CNOT3: variants seen among roughly 807,000 people sequenced by gnomAD.
CNOT3 encodes the protein CCR4-associated factor 3.
Under a neutral mutation model 89.4 loss-of-function variants are expected in CNOT3, and 2 were observed. The observed-to-expected ratio is 0.02, with a 90% CI of 0.01 to 0.07. The LOEUF (loss-of-function observed/expected upper bound fraction) is 0.07. Among genes scored for constraint, CNOT3 ranks in the 10% least tolerant of loss-of-function variants. CNOT3 has a pLI of 1.00. For missense variants in CNOT3, 664 were observed against 1,010.2 expected, an observed-to-expected ratio of 0.66 and a Z score of 4.65; for synonymous variants, 486 against 402.0, an observed-to-expected ratio of 1.21 and a Z score of -2.50.
At chr19:54,138,364 T>C (rs1381370329) in intron 1 of CNOT3, among the ~76,000 whole-genome samples, 2 of 152,034 alleles carry the variant, frequency 1.3e-5, no homozygotes, top group Non-Finnish European at 2.9e-5. Context: ...GCGTCGGTAT[T>C]GGCTCCTGGC....
At chr19:54,154,523 T>C (rs1264465290) in intron 17 of CNOT3, 1 of 163,268 alleles carries the variant, frequency 6.1e-6, no homozygotes, top group African/African-American at 2.4e-5. Context: ...ATAGTCAGTG[T>C]CATGGATTTT....
chr19:54,153,030 C>T (rs1464522814), intron 16 of CNOT3, 31 bp downstream of exon 16: 6 of 1,581,184 alleles, frequency 3.8e-6, no homozygotes, highest in East Asian at 2.2e-5. Flanking sequence ...CAGCCTCGGG[C>T]CCCCCGGCTT....
chr19:54,140,135 C>CT (rs1411988211), intron 1 of CNOT3, among the ~76,000 whole-genome samples: 1 of 152,256 alleles, frequency 6.6e-6, no homozygotes, highest in Admixed American at 6.5e-5. Context: ...CTCCTCGAGT[C>CT]TTTGTGTGGT....
intron 1 of CNOT3, among the ~76,000 whole-genome samples, chr19:54,139,115 C>G (rs587622034): frequency 7.4e-4 from 113 of 152,326 alleles, no homozygotes; most frequent in African/African-American, 2.6e-3. Flanking sequence ...GCACCAGCCC[C>G]TCTTTCTGAG....
chr19:54,152,567 G>A lies in CNOT3; in HGVS notation c.1845G>A (p.Gln615=). ...TCACCAAGGAGCAGCTCTATCAGCA[G>A]GCCATGGAAGAGGCCGCCTGGCACC... The part of the protein sequence containing the change: ...VPLTKEQLYQ[Q]AMEEAAWHHM... Residue 615 remains glutamine (Q), a synonymous_variant, in exon 15 of 18, where the codon CAG becomes CAA. Coordinates refer to ENST00000221232, the MANE Select transcript of CNOT3 (RefSeq NM_014516.4). 6.2e-7 allele frequency: 1 copy of A among 1,614,142 alleles called. No individual in the cohort carries two copies. Among genetic ancestry groups the A allele is most frequent in the East Asian group, 2.2e-5 (1 of 44,878 alleles).
intron 12 of CNOT3, among the ~76,000 whole-genome samples, chr19:54,149,049 C>T (rs1261606542): frequency 6.6e-6 from 1 of 152,248 alleles, no homozygotes; most frequent in African/African-American, 2.4e-5. Flanking sequence ...CAATTGACTG[C>T]CACCGGAGGG....
chr19:54,147,227 C>G (rs140193109), intron 10 of CNOT3, among the ~76,000 whole-genome samples: 1 of 152,232 alleles, frequency 6.6e-6, no homozygotes, highest in East Asian at 1.9e-4. Flanking sequence ...GACAGGAGCA[C>G]GCTTTCGGAA....
intron 13 of CNOT3, 51 bp from the exon 14 acceptor site, chr19:54,152,175 C>T: frequency 1.9e-6 from 3 of 1,595,356 alleles, no homozygotes; most frequent in Non-Finnish European, 1.7e-6. Flanking sequence ...TCAGGCTGCA[C>T]TTGCTCCTGC....
chr19:54,141,603 A>G (rs1388870537), intron 1 of CNOT3: 2 of 152,220 alleles, frequency 1.3e-5, no homozygotes, highest in Admixed American at 6.5e-5. Flanking sequence ...CAGCATTGCA[A>G]AGTTCTGTTG....
intron 10 of CNOT3, among the ~76,000 whole-genome samples, chr19:54,147,051 G>T (rs896372528): frequency 2.0e-5 from 3 of 152,186 alleles, no homozygotes; most frequent in African/African-American, 4.8e-5. Context: ...ACAGGGACTG[G>T]GACTGTCAGG....
Position 54,144,693 on chromosome 19 carries a change from C to T in CNOT3, c.483+361C>T, listed in dbSNP as rs2074586602. 6.6e-6 allele frequency among the ~76,000 whole-genome samples: 1 copy of T among 152,126 alleles called. No individual in the cohort carries two copies. Among genetic ancestry groups the T allele is most frequent in the Non-Finnish European group, 1.5e-5 (1 of 68,020 alleles). On this transcript the variant is annotated intron_variant, in intron 7 of 17. Coordinates refer to ENST00000221232, the MANE Select transcript of CNOT3 (RefSeq NM_014516.4). The surrounding 1 kb of genome is among the most constrained non-coding windows in gnomAD (Gnocchi z 4.8). ...GAGGCCTCCTGGCACCCAGAGGGCC[C>T]TGGTCCTAGGGAGAGCACAGTGGGT... is the stretch of plus-strand genomic sequence containing the variant.
intron 1 of CNOT3, among the ~76,000 whole-genome samples, chr19:54,138,790 C>T (rs918502640): frequency 6.6e-6 from 1 of 152,244 alleles, no homozygotes; most frequent in African/African-American, 2.4e-5. Context: ...CCTCGCCATC[C>T]CGCTGCACTG....
intron 5 of CNOT3, 67 bp downstream of exon 5, chr19:54,143,816 C>G (rs941479940): frequency 6.8e-5 from 105 of 1,546,698 alleles, no homozygotes; most frequent in Non-Finnish European, 1.6e-5. Context: ...TCCCAAGGGG[C>G]GGAGGCAGAG....
chr19:54,154,408 CAATT>C (rs2075307920), intron 17 of CNOT3: 3 of 215,002 alleles, frequency 1.4e-5, no homozygotes, highest in Admixed American at 5.1e-5. Flanking sequence ...CTCTGTGTCT[CAATT>C]AACTTATCTG....
At chr19:54,152,666 G>A (rs1443223083) in intron 15 of CNOT3, 40 bp downstream of exon 15, 1 of 1,523,438 alleles carries the variant, frequency 6.6e-7, no homozygotes, top group Admixed American at 1.7e-5. Context: ...TGGGACTTGA[G>A]TCTTACGGAG....
intron 16 of CNOT3, 115 bp from the exon 17 acceptor site, chr19:54,153,600 C>T: frequency 2.4e-6 from 2 of 818,006 alleles, no homozygotes; most frequent in Non-Finnish European, 4.4e-6. Context: ...TTGTCCAGCC[C>T]AACTGTGGTC....
At chr19:54,149,420 C>A (rs1313571164) in intron 12 of CNOT3, 140 bp from the exon 13 acceptor site, 1 of 518,692 alleles carries the variant, frequency 1.9e-6, no homozygotes, top group Non-Finnish European at 3.4e-6. Flanking sequence ...CCACTTCTTT[C>A]TCCCATCTGT....
chr19:54,148,195 T>C lies in CNOT3; in HGVS notation c.942T>C (p.Pro314=). Residue 314 remains proline, a synonymous_variant, in exon 11 of 18, where the codon CCT becomes CCC. Transcript: ENST00000221232. This position sits in a 1 kb window ranked among gnomAD's most constrained non-coding sequence, Gnocchi z 6.3. ...AGCCTGTCCACAGCAACCAGCACCC[T>C]CAGTCCCCAGCTGTGCCGCCCACCT... The part of the protein sequence containing the change: ...GSKPVHSNQH[P]QSPAVPPTYP... 1 of 1,573,396 alleles carries C rather than the reference T, an allele frequency of 6.4e-7. No homozygotes were observed. The highest frequency in any genetic ancestry group is 1.9e-5 in the Admixed American group (1 of 53,862).
chr19:54,144,047 C>A lies in CNOT3; in HGVS notation c.300C>A (p.Thr100=), dbSNP rs776109014. The A allele has an allele frequency of 6.3e-7, 1 of 1,598,822 alleles. No homozygotes were observed. Among genetic ancestry groups the A allele is most frequent in the South Asian group, 1.1e-5 (1 of 88,464 alleles). ...RFKVVERETK[T]KAYSKEGLGL... ...AAGTTGTGGAACGAGAGACCAAAACCAAAGCTTACAGCAAAGAGGGCCTGG... is the reference window on the plus strand; with the variant it reads ...AAGTTGTGGAACGAGAGACCAAAACAAAAGCTTACAGCAAAGAGGGCCTGG... Residue 100 remains threonine, a synonymous_variant, in exon 6 of 18, where the codon ACC becomes ACA. Coordinates refer to ENST00000221232, the MANE Select transcript of CNOT3 (RefSeq NM_014516.4). The surrounding 1 kb of genome is among the most constrained non-coding windows in gnomAD (Gnocchi z 4.8).
Sources: allele counts gnomAD v4.1 joint callset (sites outside exome capture counted in the v4.1 genomes callset), GRCh38; gene constraint gnomAD v4.1.1; non-coding constraint Gnocchi (gnomAD v3.1); transcripts MANE v1.5; gene names NCBI Gene and HGNC (gene_info 2026-07-23, HGNC 2026-07-21).